The following JARID2 variants were observed in gnomAD, a reference collection of about 807,000 sequenced individuals.
The protein encoded by JARID2 is protein Jumonji.
Under a neutral mutation model 125.6 loss-of-function variants are expected in JARID2, and 21 were observed. That is an observed-to-expected ratio of 0.17 (90% CI 0.12 to 0.24). The LOEUF (loss-of-function observed/expected upper bound fraction) is 0.24. Ranked by LOEUF, JARID2 falls within the 10% of genes least tolerant of loss-of-function variation. The pLI, the probability that JARID2 is intolerant of heterozygous loss-of-function variation, is 1.00. For synonymous variants in JARID2, 736 were observed against 661.6 expected (o/e 1.11, Z -1.73); for missense variants, 1,303 against 1,639.6 (o/e 0.79, Z 3.55).
In JARID2 at chr6:15,311,053, G is replaced by A. The variant is rs186556244; in HGVS notation, c.46-63064G>A. 2.6e-3 allele frequency among the ~76,000 whole-genome samples: 389 copies of A among 152,256 alleles called. 9 individuals are homozygous for A. The highest frequency in any genetic ancestry group is 0.02 in the Admixed American group (312 of 15,294). On this transcript the variant is annotated intron_variant, in intron 1 of 17. Coordinates refer to ENST00000341776, the MANE Select transcript of JARID2 (RefSeq NM_004973.4). The stretch of plus-strand genomic sequence containing the variant: ...TTTAGTTCCAGGGCTAACATGGCAC[G>A]TTGGCAGTGAGATAGTTGCTATAAT...
intron 5 of JARID2, among the ~76,000 whole-genome samples, chr6:15,486,814 T>TTTTTTTTTTTTTTTTTTTTTG: frequency 6.8e-6 from 1 of 147,532 alleles, no homozygotes; most frequent in Non-Finnish European, 1.5e-5. Context: ...GACTTTTTTT[T>TTTTTTTTTTTTTTTTTTTTTG]TTTTTTTTTT....
chr6:15,351,915 G>C (rs534400113), intron 1 of JARID2, among the ~76,000 whole-genome samples: 2 of 152,258 alleles, frequency 1.3e-5, no homozygotes, highest in South Asian at 2.1e-4. Flanking sequence ...CTTCAAACTA[G>C]TGTTGACTTG....
chr6:15,521,690 C>G lies in JARID2; in HGVS notation c.*1439C>G, dbSNP rs1201879426. The G allele has an allele frequency of 6.6e-6, 1 of 152,218 alleles. No homozygotes were observed. The highest frequency in any genetic ancestry group is 6.5e-5 in the Admixed American group (1 of 15,284). The allele number at this position is 152,218 out of a possible 1,614,324, so 9.4% of individuals were successfully genotyped here. ...CAATCCCGTAGCTACCCATATTGCA[C>G]TGAGCTTGCCAGTGGTGACTGCCAG... On this transcript the variant is annotated 3_prime_UTR_variant, in exon 18 of 18. Transcript: ENST00000341776.
intron 1 of JARID2, among the ~76,000 whole-genome samples, chr6:15,345,452 T>C (rs776305667): frequency 6.6e-6 from 1 of 152,226 alleles, no homozygotes; most frequent in African/African-American, 2.4e-5. Flanking sequence ...AGCTTACTCA[T>C]TGATCTTGGT....
intron 4 of JARID2, among the ~76,000 whole-genome samples, chr6:15,464,756 T>G (rs553510078): frequency 2.4e-4 from 37 of 152,352 alleles, no homozygotes; most frequent in Admixed American, 1.6e-3. Flanking sequence ...CCCATCTGAT[T>G]TACGAATCCT....
rs1334085204 is a variant in JARID2 at position 15,437,690 on chromosome 6, A to G, written c.324-14316A>G. On this transcript the variant is annotated intron_variant, in intron 3 of 17. Coordinates refer to ENST00000341776, the MANE Select transcript of JARID2 (RefSeq NM_004973.4). ...GTTCACAAAGAAATGTGACTCTAAG[A>G]GGAGGTTAGAATTTACCATCCTAGA... Among the ~76,000 whole-genome samples, 3 of 152,190 alleles carry G rather than the reference A, an allele frequency of 2.0e-5. No homozygotes were observed. In the East Asian group the frequency reaches 5.8e-4, roughly 29 times the overall value.
intron 2 of JARID2, among the ~76,000 whole-genome samples, chr6:15,387,558 G>A (rs1433590734): frequency 6.6e-6 from 1 of 152,090 alleles, no homozygotes; most frequent in South Asian, 2.1e-4. Flanking sequence ...TGGACCTTAG[G>A]GGTTAGAGCT....
At chr6:15,280,691 T>G (rs918758791) in intron 1 of JARID2, among the ~76,000 whole-genome samples, 27 of 151,300 alleles carry the variant, frequency 1.8e-4, no homozygotes, top group African/African-American at 5.1e-4. Context: ...TGCAGCGATG[T>G]GATCTAGGCT....
Position 15,487,421 on chromosome 6 carries a change from G to A in JARID2, c.785G>A (p.Arg262Gln), listed in dbSNP as rs761828289. The change falls in exon 6 of 18, where the codon CGG becomes CAG. Residue 262 changes from arginine (R) to glutamine (Q), a missense_variant. Physicochemically the swap from Arg to Gln is conservative, Grantham distance 43. Around this residue, in one of 11 missense-constraint regions of JARID2, gnomAD observed 651 missense variants for 581.6 expected, o/e 1.12. Transcript: ENST00000341776. ...AGCGATCACCGGGCTGACAGCCGCC[G>A]GGAGCAGGCTTCAGCTAACCACCCC... ...KHSDHRADSR[R>Q]EQASANHPAA... The A allele has an allele frequency of 3.2e-5, 52 of 1,614,110 alleles. No individual in the cohort carries two copies. Among genetic ancestry groups the A allele is most frequent in the East Asian group, 4.5e-5 (2 of 44,892 alleles).
intron 3 of JARID2, among the ~76,000 whole-genome samples, chr6:15,431,040 C>T (rs375289016): frequency 2.2e-4 from 33 of 152,110 alleles, no homozygotes; most frequent in African/African-American, 6.5e-4. Context: ...CTTGTTGTTC[C>T]GGCAAATACC....
chr6:15,308,722 T>C (rs1343692231), intron 1 of JARID2, among the ~76,000 whole-genome samples: 1 of 152,210 alleles, frequency 6.6e-6, no homozygotes, highest in Non-Finnish European at 1.5e-5. Flanking sequence ...CTCTCCCTAC[T>C]TTGAAAAGAC....
chr6:15,518,278 T>C (rs1427557186), intron 17 of JARID2, among the ~76,000 whole-genome samples: 1 of 152,174 alleles, frequency 6.6e-6, no homozygotes, highest in African/African-American at 2.4e-5. Context: ...CTGTGAATCA[T>C]GGGTTGTACC....
intron 2 of JARID2, among the ~76,000 whole-genome samples, chr6:15,395,196 A>G (rs1290167764): frequency 1.3e-5 from 2 of 152,174 alleles, no homozygotes; most frequent in African/African-American, 4.8e-5. Context: ...TAATCACACT[A>G]GCAGCATATG....
At chr6:15,346,405 C>G (rs1581438555) in intron 1 of JARID2, among the ~76,000 whole-genome samples, 3 of 152,168 alleles carry the variant, frequency 2.0e-5, no homozygotes, top group Non-Finnish European at 4.4e-5. Context: ...ATCCATGAGT[C>G]GCCTCCTCTT....
chr6:15,325,233 C>G (rs1369682372), intron 1 of JARID2, among the ~76,000 whole-genome samples: 1 of 152,002 alleles, frequency 6.6e-6, no homozygotes, highest in African/African-American at 2.4e-5. Context: ...CTTTTATTTG[C>G]AATAAGAACT....
At chr6:15,322,027 G>T (rs1440438856) in intron 1 of JARID2, among the ~76,000 whole-genome samples, 1 of 151,938 alleles carries the variant, frequency 6.6e-6, no homozygotes, top group African/African-American at 2.4e-5. Context: ...TCCTGACTTC[G>T]TTGTTCGCCT....
intron 1 of JARID2, 67 bp from the exon 2 acceptor site, chr6:15,374,050 T>G: frequency 6.4e-7 from 1 of 1,568,396 alleles, no homozygotes; most frequent in East Asian, 2.2e-5. Context: ...AAATAAAGTT[T>G]ATTTTGACTC....
At chr6:15,300,359 A>C (rs794781) in intron 1 of JARID2, among the ~76,000 whole-genome samples, 38,820 of 152,050 alleles carry the variant, frequency 0.26, 5,369 homozygotes, top group African/African-American at 0.38. Context: ...GGAGAAGGGC[A>C]TGGGAGTAGA....
chr6:15,408,205 T>G (rs1765727466), intron 2 of JARID2, among the ~76,000 whole-genome samples: 1 of 152,132 alleles, frequency 6.6e-6, no homozygotes, highest in South Asian at 2.1e-4. Flanking sequence ...TAAGCTATGG[T>G]TGCGCCACTG....
Sources: gnomAD v4.1 joint callset for allele counts (sites outside exome capture counted in the v4.1 genomes callset) on GRCh38, gnomAD v4.1.1 for gene constraint, gnomAD v4.1.1 regional missense constraint, MANE v1.5 for transcripts, NCBI Gene and HGNC (gene_info 2026-07-23, HGNC 2026-07-21) for gene names.